The following TNIK variants were observed in gnomAD, a reference collection of about 807,000 sequenced individuals.
TNIK encodes the protein TRAF2 and NCK-interacting protein kinase.
TNIK carries 49 observed loss-of-function variants against 191.3 expected under a neutral mutation model. The ratio of observed to expected loss-of-function variants is 0.26; its 90% confidence interval spans 0.20 to 0.32. The LOEUF is 0.32. TNIK is among the 10% of genes least tolerant of loss of function. The pLI is 1.00. For synonymous variants in TNIK, 594 were observed against 600.9 expected (o/e 0.99, Z 0.17); for missense variants, 1,155 against 1,702.3 (o/e 0.68, Z 5.66).
chr3:171,293,866 G>C (rs1751965392), intron 2 of TNIK, among the ~76,000 whole-genome samples: 1 of 152,098 alleles, frequency 6.6e-6, no homozygotes, highest in South Asian at 2.1e-4. Flanking sequence ...GATTGCTTGA[G>C]ACCAAGACTT....
At chr3:171,293,231 T>G (rs1435341149) in intron 2 of TNIK, among the ~76,000 whole-genome samples, 1 of 152,184 alleles carries the variant, frequency 6.6e-6, no homozygotes, top group Non-Finnish European at 1.5e-5. Context: ...AGAATCAAAC[T>G]TGAAATGATG....
At chr3:171,372,958 A>G (rs1353021) in intron 1 of TNIK, among the ~76,000 whole-genome samples, 56,872 of 152,100 alleles carry the variant, frequency 0.37, 12,991 homozygotes, top group Non-Finnish European at 0.52. Context: ...AACCCTAGAT[A>G]TGGAAGTCAG....
At chr3:171,440,632 C>T (rs1726677170) in intron 1 of TNIK, among the ~76,000 whole-genome samples, 1 of 152,216 alleles carries the variant, frequency 6.6e-6, no homozygotes, top group Admixed American at 6.5e-5. Flanking sequence ...AAGTCACGAG[C>T]AGGCATTCAT....
intron 2 of TNIK, among the ~76,000 whole-genome samples, chr3:171,368,716 T>C (rs1716079435): frequency 6.6e-6 from 1 of 152,146 alleles, no homozygotes; most frequent in Non-Finnish European, 1.5e-5. Flanking sequence ...ATAAATTTAA[T>C]TAACTGAGAG....
At chr3:171,446,658 A>G (rs1727536569) in intron 1 of TNIK, among the ~76,000 whole-genome samples, 1 of 152,234 alleles carries the variant, frequency 6.6e-6, no homozygotes, top group South Asian at 2.1e-4. Flanking sequence ...GAATCTTAAA[A>G]TATCTACCTA....
intron 1 of TNIK, among the ~76,000 whole-genome samples, chr3:171,375,828 C>T (rs547180739): frequency 3.9e-5 from 6 of 152,250 alleles, no homozygotes; most frequent in South Asian, 2.1e-4. Context: ...GAAATTGACA[C>T]GGATCATGAG....
Position 171,061,383 on chromosome 3 carries a change from T to A in TNIK, c.*2498A>T, listed in dbSNP as rs771725160. 2 of 152,206 alleles carry A rather than the reference T, an allele frequency of 1.3e-5. No individual in the cohort carries two copies. The highest frequency in any genetic ancestry group is 1.5e-5 in the Non-Finnish European group (1 of 68,038). The allele number at this position is 152,206 out of a possible 1,614,324, so 9.4% of individuals were successfully genotyped here. On this transcript the variant is annotated 3_prime_UTR_variant, in exon 33 of 33. Transcript: ENST00000436636. ...TTATTGTTGTTGGCACCAGAAAAGC[T>A]CATGTTCTATGTTATGTCACTGTAC...
chr3:171,225,346 T>G (rs1742841527), intron 3 of TNIK, among the ~76,000 whole-genome samples: 1 of 152,232 alleles, frequency 6.6e-6, no homozygotes, highest in Non-Finnish European at 1.5e-5. Flanking sequence ...AACCATTTCC[T>G]GATGTGCATC....
intron 1 of TNIK, among the ~76,000 whole-genome samples, chr3:171,396,923 T>A (rs1323986928): frequency 6.6e-6 from 1 of 152,196 alleles, no homozygotes. Flanking sequence ...ATTGAAGACC[T>A]ACAGAAATAT....
At chr3:171,458,733 T>C (rs534568141) in intron 1 of TNIK, among the ~76,000 whole-genome samples, 24 of 152,290 alleles carry the variant, frequency 1.6e-4, no homozygotes, top group African/African-American at 5.5e-4. Flanking sequence ...GCGTGTGAAC[T>C]TCCATGCTTC....
chr3:171,397,722 G>A (rs1020233588), intron 1 of TNIK, among the ~76,000 whole-genome samples: 2 of 152,064 alleles, frequency 1.3e-5, no homozygotes, highest in African/African-American at 4.8e-5. Context: ...CATATACAGA[G>A]GCTTGTATAT....
At chr3:171,207,759 A>C (rs61792429) in intron 4 of TNIK, among the ~76,000 whole-genome samples, 1,531 of 152,294 alleles carry the variant, frequency 0.01, 18 homozygotes, top group Non-Finnish European at 0.015. Flanking sequence ...ATGTTAACTC[A>C]TGCCACCCCA....
intron 6 of TNIK, among the ~76,000 whole-genome samples, chr3:171,189,570 T>C (rs1404917158): frequency 6.6e-6 from 1 of 152,214 alleles, no homozygotes; most frequent in Non-Finnish European, 1.5e-5. Context: ...CCTAAGTTTG[T>C]ATCTCATTTC....
At chr3:171,209,808 ATC>A (rs1740568527) in intron 4 of TNIK, among the ~76,000 whole-genome samples, 1 of 152,090 alleles carries the variant, frequency 6.6e-6, no homozygotes, top group African/African-American at 2.4e-5. Flanking sequence ...TGACATGAAA[ATC>A]TTGTTAGTTT....
chr3:171,229,512 T>A (rs1245633760), intron 2 of TNIK, among the ~76,000 whole-genome samples: 1 of 152,218 alleles, frequency 6.6e-6, no homozygotes, highest in African/African-American at 2.4e-5. Context: ...TGGATCAAAT[T>A]TTTTAAAAGT....
chr3:171,068,924 A>G lies in TNIK; in HGVS notation c.3623T>C (p.Ile1208Thr). Residue 1208 changes from isoleucine (I) to threonine (T), a missense_variant, in exon 30 of 33, where the codon ATT (isoleucine) becomes ACT (threonine). Transcript: ENST00000436636. ...TVEEGQRLKV[I>T]FGSHTGFHVI... is the part of the protein sequence containing the mutation. ...ATGGAAACCAGTGTGTGAACCAAAA[A>G]TAACCTTTAATCTTTGACCTTCTTC... 2 of 1,613,876 alleles carry G rather than the reference A, an allele frequency of 1.2e-6. No homozygotes were observed. Among genetic ancestry groups the G allele is most frequent in the South Asian group, 2.2e-5 (2 of 91,046 alleles).
intron 9 of TNIK, among the ~76,000 whole-genome samples, chr3:171,170,914 T>C (rs892531326): frequency 6.6e-6 from 1 of 152,130 alleles, no homozygotes; most frequent in Non-Finnish European, 1.5e-5. Context: ...TAGCTGAGCA[T>C]GGTGGCATGC....
chr3:171,170,141 G>A (rs992815807), intron 9 of TNIK, among the ~76,000 whole-genome samples: 11 of 152,110 alleles, frequency 7.2e-5, no homozygotes, highest in African/African-American at 1.2e-4. Context: ...TAGTAATGTA[G>A]TTCTGTCTCT....
At chr3:171,087,529 A>G (rs747528016) in intron 23 of TNIK, 23 bp from the exon 24 acceptor site, 1 of 1,608,734 alleles carries the variant, frequency 6.2e-7, no homozygotes, top group Non-Finnish European at 8.5e-7. Flanking sequence ...AGCACGTGGG[A>G]GGAGTTAGAG....
Sources: allele counts gnomAD v4.1 joint callset (sites outside exome capture counted in the v4.1 genomes callset), GRCh38; gene constraint gnomAD v4.1.1; transcripts MANE v1.5; gene names NCBI Gene and HGNC (gene_info 2026-07-23, HGNC 2026-07-21).